Variants in SERINC5 observed in about 807,000 individuals in gnomAD.
SERINC5 encodes the protein serine incorporator 5, also known as chromosome 5 open reading frame 12.
In SERINC5, 41 loss-of-function variants were observed where a neutral mutation model predicts 63.1. The ratio of observed to expected loss-of-function variants is 0.65; its 90% CI spans 0.51 to 0.84. The LOEUF (loss-of-function observed/expected upper bound fraction) is 0.84, where lower values mean the gene tolerates loss of function less well. Ranked by LOEUF, SERINC5 falls within the 40% of genes least tolerant of loss-of-function variation. The pLI is 0.00. For missense variants in SERINC5, 523 were observed against 573.0 expected (o/e 0.91, Z 0.89); for synonymous variants, 222 against 215.2 (o/e 1.03, Z -0.28).
At chr5:80,245,141 T>C (rs1200990884) in intron 1 of SERINC5, among the ~76,000 whole-genome samples, 1 of 152,232 alleles carries the variant, frequency 6.6e-6, no homozygotes, top group Non-Finnish European at 1.5e-5. Flanking sequence ...GAATTGGAGA[T>C]GTTTCTCAAG....
rs1387833558 is a variant in SERINC5 at position 80,140,518 on chromosome 5, A to G, written c.*3145T>C. 3.0e-6 allele frequency: 3 copies of G among 984,700 alleles called. No individual in the cohort carries two copies. The highest frequency in any genetic ancestry group is 1.8e-5 in the African/African-American group (1 of 57,002). The allele number at this position is 984,700 out of a possible 1,614,324, so 61.0% of individuals were successfully genotyped here. A position where few individuals can be genotyped will look rare whatever the true frequency, so the allele number is the denominator to read the frequency against. Reference sequence around the variant, plus strand: ...CTATCTCCCCTTCAAAGAGGCTCCAAATACCTCTGGCAAATAATTTCTTTT... The same window carrying G: ...CTATCTCCCCTTCAAAGAGGCTCCAGATACCTCTGGCAAATAATTTCTTTT... On this transcript the variant is annotated 3_prime_UTR_variant, in exon 12 of 12. Coordinates refer to ENST00000507668, the MANE Select transcript of SERINC5 (RefSeq NM_001174072.3).
chr5:80,179,354 C>T lies in SERINC5; in HGVS notation c.196-1290G>A, dbSNP rs532463179. On this transcript the variant is annotated intron_variant, in intron 2 of 11. Transcript: ENST00000507668. ...CATGAAGAGTCTTTCTCTATTAATA[C>T]GCAAAATCCCATCACATTCTTTTTC... is the stretch of plus-strand genomic sequence containing the variant. Among the ~76,000 whole-genome samples, 29 of 152,286 alleles carry T rather than the reference C, an allele frequency of 1.9e-4. No individual in the cohort carries two copies. In the South Asian group the frequency reaches 2.3e-3, roughly 12 times the overall value.
At chr5:80,228,068 G>GAA (rs535973486) in intron 1 of SERINC5, among the ~76,000 whole-genome samples, 47 of 131,544 alleles carry the variant, frequency 3.6e-4, no homozygotes, top group African/African-American at 6.5e-4. Context: ...CAAATAATAT[G>GAA]AAAAAAAAAA....
Position 80,255,974 on chromosome 5 carries a change from C to CCCT in SERINC5, c.-55_-53dup, listed in dbSNP as rs910007713. On this transcript the variant is annotated 5_prime_UTR_variant, in exon 1 of 12. Coordinates refer to ENST00000507668, the MANE Select transcript of SERINC5 (RefSeq NM_001174072.3). ...TCGCTGGCTCCCCGCGCCGCACGGG[C>CCCT]CCTCCTGGCTGCCTCGCGCCTCGAG... 2.1e-4 allele frequency: 306 copies of CCCT among 1,483,728 alleles called. 3 individuals are homozygous for CCCT. Among genetic ancestry groups the CCCT allele is most frequent in the Middle Eastern group, 4.3e-4 (2 of 4,640 alleles). The allele number at this position is 1,483,728 out of a possible 1,614,324, so 91.9% of individuals were successfully genotyped here.
At chr5:80,175,357 A>G (rs555031954) in intron 4 of SERINC5, among the ~76,000 whole-genome samples, 1 of 152,272 alleles carries the variant, frequency 6.6e-6, no homozygotes, top group Admixed American at 6.5e-5. Context: ...TAGATGCCCT[A>G]ATTCATAAAA....
intron 1 of SERINC5, among the ~76,000 whole-genome samples, chr5:80,249,302 G>A (rs183076998): frequency 0.013 from 1,894 of 150,420 alleles, 36 homozygotes; most frequent in African/African-American, 0.042. Context: ...GCAACACAGC[G>A]AGACTCTGTC....
intron 1 of SERINC5, among the ~76,000 whole-genome samples, chr5:80,251,203 C>T (rs1172708912): frequency 6.6e-6 from 1 of 152,074 alleles, no homozygotes; most frequent in East Asian, 1.9e-4. Flanking sequence ...TGCTTGACCC[C>T]AGGAGTTGGA....
chr5:80,152,994 G>A (rs1477653116), intron 8 of SERINC5, among the ~76,000 whole-genome samples: 2 of 152,152 alleles, frequency 1.3e-5, no homozygotes, highest in African/African-American at 2.4e-5. Context: ...AATTCTTTGG[G>A]TTAACGTAAT....
At chr5:80,137,887 G>A (rs189255680), downstream of SERINC5, among the ~76,000 whole-genome samples, 50 of 152,128 alleles carry the variant, frequency 3.3e-4, no homozygotes, top group African/African-American at 1.2e-3. Context: ...GCCAAAATAA[G>A]CCATGATGTC....
chr5:80,215,649 G>C (rs753868258), intron 1 of SERINC5, among the ~76,000 whole-genome samples: 2 of 152,208 alleles, frequency 1.3e-5, no homozygotes, highest in Non-Finnish European at 2.9e-5. Flanking sequence ...TGTGGCAGCA[G>C]TATTGTGGGG....
At chr5:80,150,824 C>T in intron 9 of SERINC5, 58 bp downstream of exon 9, 4 of 1,174,748 alleles carry the variant, frequency 3.4e-6, no homozygotes, top group Non-Finnish European at 5.1e-6. Flanking sequence ...CACAAAAGGC[C>T]CTCCTGAGAA....
intron 11 of SERINC5, among the ~76,000 whole-genome samples, chr5:80,131,442 T>C (rs1435445170): frequency 6.6e-6 from 1 of 152,206 alleles, no homozygotes; most frequent in Non-Finnish European, 1.5e-5. Context: ...GAGAACAGAC[T>C]GATACAGTGA....
At chr5:80,137,197 T>C (rs1409409829), downstream of SERINC5, among the ~76,000 whole-genome samples, 1 of 94,628 alleles carries the variant, frequency 1.1e-5, no homozygotes, top group African/African-American at 3.6e-5. Flanking sequence ...AAAGTAGAAA[T>C]ACCATATGAT....
rs527702950 is a variant in SERINC5 at position 80,170,117 on chromosome 5, G to T, written c.552-571C>A. On this transcript the variant is annotated intron_variant, in intron 5 of 11. Coordinates refer to ENST00000507668, the MANE Select transcript of SERINC5 (RefSeq NM_001174072.3). ...GAGATATGATCAACATTCAAAAAGGGAGTAAAGGAAGAGTTAATTATGTAG... is the reference window on the plus strand; with the variant it reads ...GAGATATGATCAACATTCAAAAAGGTAGTAAAGGAAGAGTTAATTATGTAG... Among the ~76,000 whole-genome samples the T allele has an allele frequency of 3.9e-5, 6 of 152,302 alleles. No individual in the cohort carries two copies. The South Asian group carries it at 1.2e-3, about 32-fold the overall frequency.
chr5:80,191,582 G>C (rs1427348983), intron 2 of SERINC5, among the ~76,000 whole-genome samples: 2 of 146,542 alleles, frequency 1.4e-5, no homozygotes, highest in African/African-American at 5.0e-5. Flanking sequence ...GGAATCACTT[G>C]AGCCCCAGAG....
At chr5:80,133,843 G>T (rs1265761136), downstream of SERINC5, among the ~76,000 whole-genome samples, 1 of 152,226 alleles carries the variant, frequency 6.6e-6, no homozygotes, top group Non-Finnish European at 1.5e-5. Flanking sequence ...TGGGCAGGGG[G>T]TCAGAAAGTG....
chr5:80,248,913 G>A (rs1183355814), intron 1 of SERINC5, among the ~76,000 whole-genome samples: 1 of 152,100 alleles, frequency 6.6e-6, no homozygotes, highest in African/African-American at 2.4e-5. Context: ...GATGAAATTA[G>A]GGATTTTTTT....
intron 1 of SERINC5, among the ~76,000 whole-genome samples, chr5:80,221,624 A>C (rs1461828454): frequency 6.6e-6 from 1 of 152,194 alleles, no homozygotes; most frequent in African/African-American, 2.4e-5. Context: ...CACGAATTTC[A>C]TAAGTTTTTT....
downstream of SERINC5, among the ~76,000 whole-genome samples, chr5:80,137,157 A>AAAAAAAC (rs1190417354): frequency 1.9e-5 from 2 of 104,350 alleles, no homozygotes; most frequent in South Asian, 3.5e-4. Flanking sequence ...AAAAAAAAAA[A>AAAAAAAC]AAAAAACAAA....
Sources: allele counts gnomAD v4.1 joint callset (sites outside exome capture counted in the v4.1 genomes callset), GRCh38; gene constraint gnomAD v4.1.1; transcripts MANE v1.5; gene names NCBI Gene and HGNC (gene_info 2026-07-23, HGNC 2026-07-21).